Variants in NTN4 observed in about 807,000 individuals in gnomAD.
NTN4 encodes the protein netrin-4.
NTN4 carries 32 observed loss-of-function variants against 73.6 expected under a neutral mutation model. The ratio of observed to expected loss-of-function variants is 0.44; its 90% CI spans 0.33 to 0.58. NTN4 has a LOEUF of 0.58. NTN4 is among the 20% of genes least tolerant of loss of function. NTN4 has a pLI of 0.04. For missense variants in NTN4, 654 were observed against 798.3 expected (o/e 0.82, Z 2.18); for synonymous variants, 258 against 287.5 (o/e 0.90, Z 1.04).
intron 5 of NTN4, among the ~76,000 whole-genome samples, chr12:95,702,857 G>T (rs200304622): frequency 1.5e-3 from 111 of 75,318 alleles, no homozygotes; most frequent in South Asian, 3.9e-3. Context: ...TTTTTTTTTT[G>T]GTTTTTTTTT....
At chr12:95,777,060 TAA>T (rs998422643) in intron 2 of NTN4, among the ~76,000 whole-genome samples, 1 of 152,154 alleles carries the variant, frequency 6.6e-6, no homozygotes, top group Non-Finnish European at 1.5e-5. Flanking sequence ...CCAGCCAAAC[TAA>T]GCTTCATAAG....
At chr12:95,727,051 A>G (rs2078700364) in intron 3 of NTN4, among the ~76,000 whole-genome samples, 1 of 152,162 alleles carries the variant, frequency 6.6e-6, no homozygotes, top group Non-Finnish European at 1.5e-5. Context: ...CCAGCAATGT[A>G]TGAAGGTTCC....
chr12:95,734,994 G>A (rs750980032), intron 3 of NTN4, among the ~76,000 whole-genome samples: 5 of 152,146 alleles, frequency 3.3e-5, no homozygotes, highest in African/African-American at 7.2e-5. Flanking sequence ...AGCCAAGATC[G>A]TGCCATTGCA....
chr12:95,721,344 C>G (rs1461630985), intron 3 of NTN4, among the ~76,000 whole-genome samples: 1 of 152,142 alleles, frequency 6.6e-6, no homozygotes, highest in Non-Finnish European at 1.5e-5. Context: ...CAGGTGAATA[C>G]AGAGAGACTG....
At chr12:95,768,966 T>C (rs776714323) in intron 2 of NTN4, among the ~76,000 whole-genome samples, 10 of 152,140 alleles carry the variant, frequency 6.6e-5, no homozygotes, top group Non-Finnish European at 1.0e-4. Flanking sequence ...AGCAATGCCA[T>C]GTATACATCT....
intron 3 of NTN4, among the ~76,000 whole-genome samples, chr12:95,733,781 A>G (rs34519397): frequency 0.2 from 29,705 of 151,962 alleles, 3,563 homozygotes; most frequent in Non-Finnish European, 0.28. Context: ...TAAAAGACAC[A>G]GGAGGGGGCC....
chr12:95,724,734 A>AC (rs1197890513), intron 3 of NTN4, among the ~76,000 whole-genome samples: 1 of 152,196 alleles, frequency 6.6e-6, no homozygotes, highest in Non-Finnish European at 1.5e-5. Flanking sequence ...CTCAATACAC[A>AC]GCCAAGTAAT....
chr12:95,700,711 C>T (rs184422326), intron 5 of NTN4, among the ~76,000 whole-genome samples: 3 of 152,154 alleles, frequency 2.0e-5, no homozygotes, highest in Admixed American at 1.3e-4. Context: ...CCTCCCACCA[C>T]GAACCCTGCC....
chr12:95,728,468 T>C (rs773379412), intron 3 of NTN4, among the ~76,000 whole-genome samples: 7 of 152,310 alleles, frequency 4.6e-5, no homozygotes, highest in Non-Finnish European at 1.0e-4. Flanking sequence ...CTTTCTAACC[T>C]TTATTACATT....
At chr12:95,785,230 C>T (rs1022551828) in intron 2 of NTN4, among the ~76,000 whole-genome samples, 4 of 152,172 alleles carry the variant, frequency 2.6e-5, no homozygotes, top group African/African-American at 7.2e-5. Flanking sequence ...ATTTTTTCAA[C>T]TTCATAGATA....
intron 5 of NTN4, among the ~76,000 whole-genome samples, chr12:95,687,284 C>T (rs147826922): frequency 0.013 from 1,949 of 152,246 alleles, 162 homozygotes; most frequent in Admixed American, 0.12. Context: ...TTAAGTATTT[C>T]TGAGTTTCAC....
chr12:95,765,845 C>T (rs2079017712), intron 2 of NTN4, among the ~76,000 whole-genome samples: 1 of 152,168 alleles, frequency 6.6e-6, no homozygotes, highest in Admixed American at 6.5e-5. Context: ...GAATCCAAGG[C>T]CCCTAAAATA....
intron 7 of NTN4, among the ~76,000 whole-genome samples, chr12:95,680,923 C>G (rs909214990): frequency 6.6e-6 from 1 of 152,076 alleles, no homozygotes; most frequent in African/African-American, 2.4e-5. Flanking sequence ...GGCGCGGTGG[C>G]TCACGCCTGT....
At chr12:95,772,443 C>T (rs1380064095) in intron 2 of NTN4, among the ~76,000 whole-genome samples, 3 of 152,158 alleles carry the variant, frequency 2.0e-5, no homozygotes, top group East Asian at 3.8e-4. Flanking sequence ...TTAATCCATA[C>T]TCACTCCCTT....
chr12:95,744,086 G>T (rs1217320979), intron 2 of NTN4, among the ~76,000 whole-genome samples: 2 of 152,054 alleles, frequency 1.3e-5, no homozygotes, highest in Non-Finnish European at 2.9e-5. Context: ...ATTTTTAGTA[G>T]AGATGGGGTT....
chr12:95,657,923 T>C lies in NTN4; in HGVS notation c.*1163A>G, dbSNP rs903332058. 3 of 152,618 alleles carry C rather than the reference T, an allele frequency of 2.0e-5. No homozygotes were observed. The highest frequency in any genetic ancestry group is 1.3e-4 in the Admixed American group (2 of 15,280). The allele number at this position is 152,618 out of a possible 1,614,324, so 9.5% of individuals were successfully genotyped here. A position where few individuals can be genotyped will look rare whatever the true frequency, so the allele number is the denominator to read the frequency against. Reference sequence around the variant, plus strand: ...AGAAAAAAAGGTTCTGTATGTGAAATTATTCATATGGCACTGTGTTCATGT... The same window carrying C: ...AGAAAAAAAGGTTCTGTATGTGAAACTATTCATATGGCACTGTGTTCATGT... On this transcript the variant is annotated 3_prime_UTR_variant, in exon 10 of 10. Coordinates refer to ENST00000343702, the MANE Select transcript of NTN4 (RefSeq NM_021229.4).
chr12:95,678,800 C>A (rs1375945685), intron 7 of NTN4, among the ~76,000 whole-genome samples: 1 of 151,984 alleles, frequency 6.6e-6, no homozygotes, highest in Non-Finnish European at 1.5e-5. Flanking sequence ...GACACATATA[C>A]ATTTATATCC....
chr12:95,661,008 A>G (rs2078133572), intron 9 of NTN4, among the ~76,000 whole-genome samples: 1 of 152,228 alleles, frequency 6.6e-6, no homozygotes, highest in Non-Finnish European at 1.5e-5. Flanking sequence ...TTAAAAGGAC[A>G]CAGCAGCTAG....
chr12:95,720,844 G>C (rs1282176140), intron 3 of NTN4, among the ~76,000 whole-genome samples: 2 of 152,040 alleles, frequency 1.3e-5, no homozygotes, highest in African/African-American at 4.8e-5. Flanking sequence ...AACAACAATA[G>C]TAATAGTAAC....
Sources: allele counts gnomAD v4.1 joint callset (sites outside exome capture counted in the v4.1 genomes callset), GRCh38; gene constraint gnomAD v4.1.1; transcripts MANE v1.5; gene names NCBI Gene and HGNC (gene_info 2026-07-23, HGNC 2026-07-21).